Variants in LUZP2 observed in about 807,000 individuals in gnomAD.
The protein encoded by LUZP2 is leucine zipper protein 2.
A neutral mutation model predicts 51.6 loss-of-function variants in LUZP2; 52 were observed. That is an observed-to-expected ratio of 1.01 (90% CI 0.81 to 1.27). The LOEUF (loss-of-function observed/expected upper bound fraction) is 1.27, where lower values mean the gene tolerates loss of function less well. Ranked by LOEUF, LUZP2 falls within the 50% of genes most tolerant of loss-of-function variation. The pLI is 0.00. For synonymous variants in LUZP2, 154 were observed against 137.3 expected, an observed-to-expected ratio of 1.12 and a Z score of -0.85; for missense variants, 436 against 395.4, an observed-to-expected ratio of 1.10 and a Z score of -0.87.
intron 8 of LUZP2, among the ~76,000 whole-genome samples, chr11:24,980,333 A>T (rs1032210333): frequency 1.3e-5 from 2 of 151,768 alleles, no homozygotes; most frequent in African/African-American, 4.8e-5. Flanking sequence ...TCTACCTCCT[A>T]AATTTTCCAC....
At chr11:24,635,555 T>C (rs1354518678) in intron 1 of LUZP2, among the ~76,000 whole-genome samples, 2 of 152,142 alleles carry the variant, frequency 1.3e-5, no homozygotes, top group Non-Finnish European at 2.9e-5. Context: ...AAGTATGCTG[T>C]TTATCCTTAA....
chr11:24,633,908 T>A (rs1854979624), intron 1 of LUZP2, among the ~76,000 whole-genome samples: 1 of 151,526 alleles, frequency 6.6e-6, no homozygotes, highest in South Asian at 2.1e-4. Context: ...TTGAAAAAAA[T>A]TATTAAAATG....
At chr11:24,522,922 C>G (rs1339544268) in intron 1 of LUZP2, among the ~76,000 whole-genome samples, 2 of 152,040 alleles carry the variant, frequency 1.3e-5, no homozygotes, top group African/African-American at 4.8e-5. Flanking sequence ...TGTTCTAACA[C>G]AAACTACCCC....
intron 1 of LUZP2, among the ~76,000 whole-genome samples, chr11:24,607,759 T>G (rs1853977638): frequency 1.3e-5 from 2 of 152,010 alleles, no homozygotes; most frequent in South Asian, 4.1e-4. Context: ...TTTTTCAAAT[T>G]TCTCTTTTAG....
intron 9 of LUZP2, among the ~76,000 whole-genome samples, chr11:24,988,214 ATGT>A (rs1274017219): frequency 6.6e-6 from 1 of 151,954 alleles, no homozygotes; most frequent in African/African-American, 2.4e-5. Flanking sequence ...ACTATCCTCC[ATGT>A]GAAAGGATGC....
chr11:24,932,679 C>T (rs953870016), intron 7 of LUZP2, among the ~76,000 whole-genome samples: 4 of 152,062 alleles, frequency 2.6e-5, no homozygotes, highest in Admixed American at 6.5e-5. Flanking sequence ...AATTTATATC[C>T]AGGCAGCAGG....
intron 1 of LUZP2, among the ~76,000 whole-genome samples, chr11:24,695,582 A>T (rs1857221126): frequency 6.6e-6 from 1 of 151,902 alleles, no homozygotes; most frequent in Non-Finnish European, 1.5e-5. Flanking sequence ...TCTCACTGTA[A>T]TTTTTTTACT....
chr11:25,057,653 G>A (rs1279201486), intron 10 of LUZP2, among the ~76,000 whole-genome samples: 3 of 152,014 alleles, frequency 2.0e-5, no homozygotes, highest in African/African-American at 7.2e-5. Context: ...ATGTAAACGT[G>A]TTTTGCAATG....
intron 10 of LUZP2, among the ~76,000 whole-genome samples, chr11:25,063,860 A>G (rs1418161437): frequency 6.6e-6 from 1 of 151,780 alleles, no homozygotes; most frequent in African/African-American, 2.4e-5. Flanking sequence ...CATGAATACA[A>G]TTCCATTTCC....
chr11:24,826,791 C>T, intron 5 of LUZP2, among the ~76,000 whole-genome samples: 1 of 151,940 alleles, frequency 6.6e-6, no homozygotes. Context: ...AAAATCTTTT[C>T]TGAAAAGTTT....
At chr11:24,646,744 C>A in intron 1 of LUZP2, 2 of 250,154 alleles carry the variant, frequency 8.0e-6, no homozygotes, top group Non-Finnish European at 1.3e-5. Flanking sequence ...TGCAAGGTAA[C>A]TTGAAATGCA....
chr11:25,078,913 G>T lies in LUZP2; in HGVS notation c.*255G>T, dbSNP rs1859398090. Reference sequence around the variant, plus strand: ...AAATTGTCCCATATAAATTGGTCTGGTTTAACTCAAATGCTATCTAACATG... The same window carrying T: ...AAATTGTCCCATATAAATTGGTCTGTTTTAACTCAAATGCTATCTAACATG... On this transcript the variant is annotated 3_prime_UTR_variant, in exon 12 of 12. Coordinates refer to ENST00000336930, the MANE Select transcript of LUZP2 (RefSeq NM_001009909.4). The T allele has an allele frequency of 2.9e-6, 1 of 349,738 alleles. No individual in the cohort carries two copies. Among genetic ancestry groups the T allele is most frequent in the Admixed American group, 4.8e-5 (1 of 20,954 alleles). The allele number at this position is 349,738 out of a possible 1,614,324, so 21.7% of individuals were successfully genotyped here.
intron 1 of LUZP2, among the ~76,000 whole-genome samples, chr11:24,559,043 A>G (rs1026364976): frequency 1.3e-5 from 2 of 152,196 alleles, no homozygotes; most frequent in Non-Finnish European, 1.5e-5. Context: ...AGAACAAGCA[A>G]TTCAACTATA....
intron 1 of LUZP2, among the ~76,000 whole-genome samples, chr11:24,625,180 G>A (rs1854635415): frequency 6.6e-6 from 1 of 151,988 alleles, no homozygotes; most frequent in Non-Finnish European, 1.5e-5. Flanking sequence ...CCAGGGGTGG[G>A]TTGGGGAAGG....
chr11:25,006,787 C>T (rs1856846043), intron 9 of LUZP2, among the ~76,000 whole-genome samples: 2 of 152,146 alleles, frequency 1.3e-5, no homozygotes, highest in Non-Finnish European at 1.5e-5. Flanking sequence ...GCCATAGACC[C>T]ATGTGGTGAC....
chr11:24,945,087 C>G (rs991555526), intron 7 of LUZP2, among the ~76,000 whole-genome samples: 3 of 152,074 alleles, frequency 2.0e-5, no homozygotes, highest in East Asian at 1.9e-4. Context: ...CATTACTTGC[C>G]AGATGCCACT....
intron 1 of LUZP2, among the ~76,000 whole-genome samples, 199 bp downstream of exon 1, chr11:24,497,504 G>T (rs1253013883): frequency 2.6e-5 from 4 of 152,216 alleles, no homozygotes; most frequent in Non-Finnish European, 5.9e-5. Context: ...GCCCCCTGGA[G>T]AAAGTCTTAG....
At chr11:24,821,455 T>A (rs1479253745) in intron 5 of LUZP2, among the ~76,000 whole-genome samples, 1 of 152,154 alleles carries the variant, frequency 6.6e-6, no homozygotes, top group Non-Finnish European at 1.5e-5. Flanking sequence ...ATATATCTAT[T>A]AACTATTTTA....
At chr11:24,746,679 A>G (rs1252579762) in intron 4 of LUZP2, among the ~76,000 whole-genome samples, 4 of 152,194 alleles carry the variant, frequency 2.6e-5, no homozygotes, top group Admixed American at 6.5e-5. Flanking sequence ...CTTTCACAGG[A>G]ACACTGATTT....
Sources: allele counts gnomAD v4.1 joint callset (sites outside exome capture counted in the v4.1 genomes callset), GRCh38; gene constraint gnomAD v4.1.1; transcripts MANE v1.5; gene names NCBI Gene and HGNC (gene_info 2026-07-23, HGNC 2026-07-21).